Variants in LRP1B observed in about 807,000 individuals in gnomAD.
LRP1B encodes LDL receptor related protein 1B.
A neutral mutation model predicts 556.6 loss-of-function variants in LRP1B; 217 were observed. The observed-to-expected ratio is 0.39, with a 90% CI of 0.35 to 0.44. LRP1B has a LOEUF of 0.44. Ranked by LOEUF, LRP1B falls within the 20% of genes least tolerant of loss-of-function variation. The probability of loss-of-function intolerance (pLI) is 1.00; values close to 1 mark genes in which losing one functional copy is unlikely to be tolerated. For missense variants in LRP1B, 5,053 were observed against 5,620.8 expected (o/e 0.90, Z 3.23); for synonymous variants, 2,047 against 1,865.8 (o/e 1.10, Z -2.50).
chr2:140,759,828 A>G (rs967915394), intron 35 of LRP1B, among the ~76,000 whole-genome samples: 20 of 152,234 alleles, frequency 1.3e-4, no homozygotes, highest in African/African-American at 4.6e-4. Context: ...GTGTATGCAC[A>G]TACAAAGGTG....
chr2:140,580,461 G>T (rs1013800520), intron 43 of LRP1B, among the ~76,000 whole-genome samples: 6 of 152,104 alleles, frequency 3.9e-5, no homozygotes, highest in African/African-American at 1.2e-4. Context: ...AATAAAAAGC[G>T]ATCATTTACA....
intron 60 of LRP1B, among the ~76,000 whole-genome samples, chr2:140,469,557 C>T (rs894727578): frequency 5.3e-5 from 8 of 152,212 alleles, no homozygotes; most frequent in African/African-American, 1.9e-4. Context: ...TACTGAGATG[C>T]ATGCTTTCTT....
At chr2:140,966,135 C>A (rs1447647139) in intron 18 of LRP1B, among the ~76,000 whole-genome samples, 1 of 152,236 alleles carries the variant, frequency 6.6e-6, no homozygotes, top group East Asian at 1.9e-4. Flanking sequence ...ACCACACCGT[C>A]TTCTACAATG....
chr2:141,810,895 C>T (rs1318159857), intron 1 of LRP1B, among the ~76,000 whole-genome samples: 1 of 151,920 alleles, frequency 6.6e-6, no homozygotes, highest in Non-Finnish European at 1.5e-5. Context: ...CACGTCTCTA[C>T]GTGAGTTGGA....
At chr2:141,684,342 C>T (rs550537206) in intron 2 of LRP1B, among the ~76,000 whole-genome samples, 56 of 152,116 alleles carry the variant, frequency 3.7e-4, no homozygotes, top group Middle Eastern at 3.4e-3. Flanking sequence ...TCTCAGCAAA[C>T]TAACACAGGA....
At chr2:141,433,157 A>T (rs1680627735) in intron 3 of LRP1B, among the ~76,000 whole-genome samples, 1 of 152,046 alleles carries the variant, frequency 6.6e-6, no homozygotes, top group Admixed American at 6.6e-5. Context: ...GTTATTCAGG[A>T]GTGTATTTAA....
chr2:141,725,479 ATGT>A (rs570417541), intron 2 of LRP1B, among the ~76,000 whole-genome samples: 4 of 151,924 alleles, frequency 2.6e-5, no homozygotes, highest in Non-Finnish European at 5.9e-5. Flanking sequence ...TTTTCATCAA[ATGT>A]TGTTAAAATG....
intron 2 of LRP1B, among the ~76,000 whole-genome samples, chr2:141,523,903 T>G (rs1684608086): frequency 2.0e-5 from 3 of 152,204 alleles, no homozygotes; most frequent in Admixed American, 2.0e-4. Flanking sequence ...GTGCTGTCAC[T>G]GCACAGGCTC....
rs149429373 is a variant in LRP1B at position 140,686,156 on chromosome 2, G to A, written c.6799+14094C>T. Among the ~76,000 whole-genome samples the A allele has an allele frequency of 6.6e-4, 100 of 152,242 alleles. 1 individual carries two copies. In the East Asian group the frequency reaches 0.017, roughly 26 times the overall value. On this transcript the variant is annotated intron_variant, in intron 41 of 90. Transcript: ENST00000389484. ...TTTAAGATAAAAAGGATGTGAGTAG[G>A]ACTAGAGGACAGGGTGGATTTAAGG...
intron 5 of LRP1B, among the ~76,000 whole-genome samples, chr2:141,231,631 C>A (rs1168061444): frequency 1.3e-5 from 2 of 150,070 alleles, no homozygotes; most frequent in East Asian, 4.0e-4. Flanking sequence ...CCCCGCCCCG[C>A]CACCCACAAC....
chr2:140,915,923 G>A (rs191382345), intron 21 of LRP1B, among the ~76,000 whole-genome samples: 1 of 151,866 alleles, frequency 6.6e-6, no homozygotes, highest in Non-Finnish European at 1.5e-5. Flanking sequence ...AGCTACTTGG[G>A]AGGCTGAGGC....
chr2:140,488,014 C>A (rs116364646), intron 57 of LRP1B, among the ~76,000 whole-genome samples: 1 of 151,668 alleles, frequency 6.6e-6, no homozygotes, highest in Non-Finnish European at 1.5e-5. Context: ...TAGCCAGTAA[C>A]GTGAAAATAA....
At chr2:140,942,406 A>G (rs962218537) in intron 20 of LRP1B, among the ~76,000 whole-genome samples, 2 of 152,174 alleles carry the variant, frequency 1.3e-5, no homozygotes, top group African/African-American at 4.8e-5. Flanking sequence ...ATCTTACAAG[A>G]GAGGTCAACA....
chr2:140,799,415 T>C (rs527328211), intron 32 of LRP1B, among the ~76,000 whole-genome samples: 1 of 152,286 alleles, frequency 6.6e-6, no homozygotes, highest in East Asian at 1.9e-4. Flanking sequence ...CAAATTCACC[T>C]GCACCTTGAC....
chr2:140,432,958 T>A (rs373252529), intron 66 of LRP1B, among the ~76,000 whole-genome samples: 3 of 152,346 alleles, frequency 2.0e-5, no homozygotes, highest in East Asian at 3.9e-4. Context: ...ACTTTTAATC[T>A]AATAATGTTC....
intron 2 of LRP1B, among the ~76,000 whole-genome samples, chr2:141,735,338 G>A (rs1320893713): frequency 1.3e-5 from 2 of 151,854 alleles, no homozygotes; most frequent in East Asian, 1.9e-4. Context: ...AAATCACTGA[G>A]GGAAGACCCT....
chr2:141,228,180 G>C (rs1683317111), intron 6 of LRP1B, among the ~76,000 whole-genome samples: 1 of 152,172 alleles, frequency 6.6e-6, no homozygotes, highest in Non-Finnish European at 1.5e-5. Flanking sequence ...GCCTCCCAAA[G>C]TGCTGGGAGC....
intron 84 of LRP1B, among the ~76,000 whole-genome samples, chr2:140,293,764 G>A (rs1167459428): frequency 6.6e-6 from 1 of 152,048 alleles, no homozygotes; most frequent in African/African-American, 2.4e-5. Context: ...GACTTATTAT[G>A]CTGCCAAAAA....
intron 1 of LRP1B, among the ~76,000 whole-genome samples, chr2:141,878,724 A>T (rs980806432): frequency 7.2e-5 from 11 of 152,022 alleles, no homozygotes; most frequent in Admixed American, 6.6e-5. Context: ...GGTAGGGAAA[A>T]GTCACTTAAG....
Sources: gnomAD v4.1 joint callset for allele counts (sites outside exome capture counted in the v4.1 genomes callset) on GRCh38, gnomAD v4.1.1 for gene constraint, MANE v1.5 for transcripts, NCBI Gene and HGNC (gene_info 2026-07-23, HGNC 2026-07-21) for gene names.